Variants in MAML2 observed in about 807,000 individuals in gnomAD.
MAML2 encodes mastermind like transcriptional coactivator 2.
MAML2 carries 22 observed loss-of-function variants against 96.1 expected under a neutral mutation model. The observed-to-expected ratio is 0.23, with a 90% CI of 0.16 to 0.33. The LOEUF is 0.33. Among genes scored for constraint, MAML2 ranks in the 10% least tolerant of loss-of-function variants. The probability of loss-of-function intolerance (pLI) is 1.00; values close to 1 mark genes in which losing one functional copy is unlikely to be tolerated. For synonymous variants in MAML2, 561 were observed against 521.3 expected, an observed-to-expected ratio of 1.08 and a Z score of -1.04; for missense variants, 1,367 against 1,392.4, an observed-to-expected ratio of 0.98 and a Z score of 0.29.
intron 2 of MAML2, among the ~76,000 whole-genome samples, chr11:96,030,675 C>G (rs527673695): frequency 6.6e-6 from 1 of 152,306 alleles, no homozygotes; most frequent in East Asian, 1.9e-4. Flanking sequence ...TCAGGTTTTA[C>G]TGAGTGTTCT....
chr11:96,121,779 G>GTTTTTTTTTTTTTTT (rs1405872923), intron 1 of MAML2, among the ~76,000 whole-genome samples: 1 of 40,804 alleles, frequency 2.5e-5, no homozygotes, highest in Non-Finnish European at 4.7e-5. Flanking sequence ...CCAACTGCGT[G>GTTTTTTTTTTTTTTT]ATTTTTTTTT....
intron 1 of MAML2, among the ~76,000 whole-genome samples, chr11:96,107,158 T>C (rs1052524204): frequency 6.6e-6 from 1 of 152,222 alleles, no homozygotes; most frequent in African/African-American, 2.4e-5. Context: ...TTATTATGTC[T>C]TTTGCAGTCC....
intron 1 of MAML2, among the ~76,000 whole-genome samples, chr11:96,101,855 G>A (rs2135822380): frequency 6.6e-6 from 1 of 152,256 alleles, no homozygotes; most frequent in East Asian, 1.9e-4. Context: ...CACTGAATTT[G>A]TTTACCCATT....
chr11:96,001,603 A>G (rs1178331912), intron 2 of MAML2, among the ~76,000 whole-genome samples: 2 of 151,516 alleles, frequency 1.3e-5, no homozygotes, highest in Non-Finnish European at 1.5e-5. Flanking sequence ...ACATCCACAG[A>G]TTATCCATAG....
At chr11:96,098,416 G>T (rs1203504574) in intron 1 of MAML2, among the ~76,000 whole-genome samples, 1 of 152,186 alleles carries the variant, frequency 6.6e-6, no homozygotes, top group Non-Finnish European at 1.5e-5. Flanking sequence ...CTACCTAGGT[G>T]GGTGAGAAGC....
intron 1 of MAML2, among the ~76,000 whole-genome samples, chr11:96,316,800 A>C (rs1863638697): frequency 1.3e-5 from 2 of 152,188 alleles, no homozygotes; most frequent in South Asian, 4.1e-4. Context: ...TACTAGAAAG[A>C]AGATGCCATT....
intron 2 of MAML2, among the ~76,000 whole-genome samples, chr11:96,090,635 T>C (rs752617531): frequency 6.6e-6 from 1 of 152,226 alleles, no homozygotes; most frequent in Non-Finnish European, 1.5e-5. Flanking sequence ...CATATGTGTG[T>C]ATATATATGT....
chr11:96,266,273 T>C (rs1862825097), intron 1 of MAML2, among the ~76,000 whole-genome samples: 2 of 152,042 alleles, frequency 1.3e-5, no homozygotes, highest in Admixed American at 1.3e-4. Flanking sequence ...CGGCAGTCTT[T>C]GAAAAACAAC....
chr11:95,985,597 G>A lies in MAML2; in HGVS notation c.2389C>T (p.Pro797Ser). 1 of 1,612,658 alleles carries A rather than the reference G, an allele frequency of 6.2e-7. No individual in the cohort carries two copies. Among genetic ancestry groups the A allele is most frequent in the Non-Finnish European group, 8.5e-7 (1 of 1,179,192 alleles). ...CTTTGGTCTTTATAATCTGGAGGTGGCCTTGACAAATGTCGGTTTATCTGA... is the reference window on the plus strand; with the variant it reads ...CTTTGGTCTTTATAATCTGGAGGTGACCTTGACAAATGTCGGTTTATCTGA... ...QDQINRHLSR[P>S]PPDYKDQRRN... The change falls in exon 4 of 5, where the codon CCA (proline) becomes TCA (serine). Residue 797 changes from proline to serine, a missense_variant. Physicochemically the swap from Pro to Ser is moderately conservative, Grantham distance 74 (BLOSUM62 -1). Transcript: ENST00000524717.
chr11:96,106,551 G>A (rs1860023729), intron 1 of MAML2, among the ~76,000 whole-genome samples: 1 of 152,162 alleles, frequency 6.6e-6, no homozygotes, highest in South Asian at 2.1e-4. Flanking sequence ...ATGGGCATGA[G>A]ATAATCAGAC....
chr11:96,015,415 T>C (rs1211983404), intron 2 of MAML2, among the ~76,000 whole-genome samples: 16 of 152,196 alleles, frequency 1.1e-4, no homozygotes, highest in Non-Finnish European at 5.9e-5. Context: ...TGAGATAATA[T>C]GTGTAAAAAG....
At chr11:96,080,248 T>C (rs986609127) in intron 2 of MAML2, among the ~76,000 whole-genome samples, 3 of 152,148 alleles carry the variant, frequency 2.0e-5, no homozygotes, top group African/African-American at 7.2e-5. Context: ...GGCCTAAAGT[T>C]AATAAATCAA....
intron 1 of MAML2, among the ~76,000 whole-genome samples, chr11:96,163,931 C>T (rs1359755328): frequency 6.9e-6 from 1 of 145,596 alleles, no homozygotes; most frequent in Non-Finnish European, 1.5e-5. Context: ...GGTGTGATCT[C>T]GGCTCACTGC....
At chr11:96,037,850 A>G (rs776103941) in intron 2 of MAML2, among the ~76,000 whole-genome samples, 13 of 152,144 alleles carry the variant, frequency 8.5e-5, no homozygotes, top group Non-Finnish European at 1.3e-4. Flanking sequence ...GCCTCTTGAT[A>G]TTTTAACTCC....
rs553021925 is a variant in MAML2, at chr11:96,259,912, G to A, written c.513+81471C>T. ...TAAAGGTTACCTTAAAAAAAGCCTT[G>A]GGATATACTTTCAAGATACTGACTT... On this transcript the variant is annotated intron_variant, in intron 1 of 4. Transcript: ENST00000524717. 4.4e-4 allele frequency among the ~76,000 whole-genome samples: 66 copies of A among 151,048 alleles called. No individual in the cohort carries two copies. The Middle Eastern group carries it at 0.011, about 24-fold the overall frequency.
At chr11:96,325,243 T>A (rs375631364) in intron 1 of MAML2, among the ~76,000 whole-genome samples, 2 of 152,182 alleles carry the variant, frequency 1.3e-5, no homozygotes, top group East Asian at 3.8e-4. Flanking sequence ...TTGTGCCTCC[T>A]GCATAGGTCC....
intron 1 of MAML2, among the ~76,000 whole-genome samples, chr11:96,195,923 C>T (rs938451265): frequency 1.1e-4 from 17 of 152,164 alleles, no homozygotes; most frequent in African/African-American, 3.9e-4. Context: ...CCCTTAATCC[C>T]TAAAGCAAGT....
intron 1 of MAML2, among the ~76,000 whole-genome samples, chr11:96,140,312 C>A (rs1860710390): frequency 6.6e-6 from 1 of 152,182 alleles, no homozygotes; most frequent in Non-Finnish European, 1.5e-5. Flanking sequence ...TTATATTTTT[C>A]TTGTTAGTTC....
intron 1 of MAML2, among the ~76,000 whole-genome samples, chr11:96,145,542 C>G (rs1860802049): frequency 6.6e-6 from 1 of 152,198 alleles, no homozygotes; most frequent in African/African-American, 2.4e-5. Flanking sequence ...CTGCCTGGCA[C>G]AGTGGAAGAA....
Sources: allele counts gnomAD v4.1 joint callset (sites outside exome capture counted in the v4.1 genomes callset), GRCh38; gene constraint gnomAD v4.1.1; transcripts MANE v1.5; gene names NCBI Gene and HGNC (gene_info 2026-07-23, HGNC 2026-07-21).